The following GDF1 variants were observed in gnomAD, a reference collection of about 807,000 sequenced individuals.
GDF1 encodes growth differentiation factor 1.
A neutral mutation model predicts 7.4 loss-of-function variants in GDF1; 8 were observed. The ratio of observed to expected loss-of-function variants is 1.09; its 90% CI spans 0.64 to 1.96. GDF1 has a LOEUF of 1.96. Among genes scored for constraint, GDF1 ranks in the 30% most tolerant of loss-of-function variants. The pLI is 0.00. For missense variants in GDF1, 574 were observed against 551.5 expected (o/e 1.04, Z -0.41); for synonymous variants, 311 against 276.7 (o/e 1.12, Z -1.23).
chr19:18,877,954 A>C (rs2056091514), intron 6 of GDF1: 17 of 984,200 alleles, frequency 1.7e-5, no homozygotes, highest in African/African-American at 3.5e-5. Flanking sequence ...ATCTACACCC[A>C]AGGCGAATCT....
chr19:18,895,770 T>A lies in GDF1; in HGVS notation c.-1074+54A>T. The A allele has an allele frequency of 9.8e-7, 1 of 1,025,388 alleles. No individual in the cohort carries two copies. Among genetic ancestry groups the A allele is most frequent in the Non-Finnish European group, 1.2e-6 (1 of 819,072 alleles). 63.5% of individuals were successfully genotyped at this position (1,025,388 alleles called of 1,614,324 possible). On this transcript the variant is annotated intron_variant, in intron 1 of 7. Transcript: ENST00000247005. The surrounding 1 kb of genome is among the most constrained non-coding windows in gnomAD (Gnocchi z 6.4). ...CGCGCCGGCGGCCCCAGGTCCCCGG[T>A]CCCGGCTTCCCCCAGTCCGGGGTCC...
In GDF1 at chr19:18,870,346, G is replaced by C. The variant is rs2055945901; in HGVS notation, c.-39C>G. Reference sequence around the variant, plus strand: ...GATGACCAGAGAGTGCGCAGGGTCCGCGGCGGCCCGGGACCAGTGGGCTGA... The same window carrying C: ...GATGACCAGAGAGTGCGCAGGGTCCCCGGCGGCCCGGGACCAGTGGGCTGA... On this transcript the variant is annotated 5_prime_UTR_variant, in exon 7 of 8. Transcript: ENST00000247005. This position sits in a 1 kb window ranked among gnomAD's most constrained non-coding sequence, Gnocchi z 5.1. 3 of 1,541,886 alleles carry C rather than the reference G, an allele frequency of 1.9e-6. No homozygotes were observed. The highest frequency in any genetic ancestry group is 8.7e-7 in the Non-Finnish European group (1 of 1,145,584).
chr19:18,869,045 G>C lies in GDF1; in HGVS notation c.671C>G (p.Pro224Arg). 3 of 1,065,480 alleles carry C rather than the reference G, an allele frequency of 2.8e-6. No individual in the cohort carries two copies. The highest frequency in any genetic ancestry group is 3.4e-6 in the Non-Finnish European group (3 of 882,722). 66.0% of individuals were successfully genotyped at this position (1,065,480 alleles called of 1,614,324 possible). Reference sequence around the variant, plus strand: ...CTCGGCCAGGCGCGCGCAGGCGGCAGGGGCCCGGGGGCGTAGCGCCAGCGC... The same window carrying C: ...CTCGGCCAGGCGCGCGCAGGCGGCACGGGCCCGGGGGCGTAGCGCCAGCGC... ...RLALALRPRA[P>R]AACARLAEAS... is the part of the protein sequence containing the mutation. Residue 224 changes from proline to arginine, a missense_variant, in exon 8 of 8, where the codon CCT becomes CGT. By Grantham distance (103) the Pro-to-Arg change is moderately radical. Transcript: ENST00000247005.
chr19:18,890,932 T>C (rs2056475384), intron 2 of GDF1, among the ~76,000 whole-genome samples: 1 of 152,176 alleles, frequency 6.6e-6, no homozygotes, highest in African/African-American at 2.4e-5. Flanking sequence ...GAGACCAGCC[T>C]GGCCAACATG....
rs775584529 is a variant in GDF1, at chr19:18,869,377, C to A, written c.339G>T (p.Arg113=). The A allele has an allele frequency of 2.5e-4, 385 of 1,529,294 alleles. No individual in the cohort carries two copies. Among genetic ancestry groups the A allele is most frequent in the Non-Finnish European group, 3.2e-4 (363 of 1,144,954 alleles). 94.7% of individuals were successfully genotyped at this position (1,529,294 alleles called of 1,614,324 possible). ...RHIPDRGAPT[R]ASEPASAAGH... ...CCGCGGCCGAGGCAGGCTCCGAGGC[C>A]CGGGTGGGCGCACCTGGGGAGGTAG... Residue 113 remains arginine (R), a synonymous_variant, in exon 8 of 8, where the codon CGG becomes CGT. Transcript: ENST00000247005.
At position 18,870,483 on chromosome 19, in the gene GDF1, CAG is replaced by C; in HGVS notation, c.-178_-177del. Reference sequence around the variant, plus strand: ...GGAGGTGGCGGCGGCCCTAGAGGAGCAGAGTTGGAGGGGGTGGAGGGGCGGCC... The same window carrying C: ...GGAGGTGGCGGCGGCCCTAGAGGAGCAGTTGGAGGGGGTGGAGGGGCGGCC... On this transcript the variant is annotated 5_prime_UTR_variant, in exon 7 of 8. Coordinates refer to ENST00000247005, the MANE Select transcript of GDF1 (RefSeq NM_001492.6). This position sits in a 1 kb window ranked among gnomAD's most constrained non-coding sequence, Gnocchi z 5.1. 2.4e-6 allele frequency: 1 copy of C among 411,934 alleles called. No homozygotes were observed. Among genetic ancestry groups the C allele is most frequent in the Non-Finnish European group, 4.3e-6 (1 of 234,980 alleles). The allele number at this position is 411,934 out of a possible 1,614,324, so 25.5% of individuals were successfully genotyped here.
At chr19:18,877,055 G>A (rs113595040) in intron 6 of GDF1, among the ~76,000 whole-genome samples, 1,881 of 152,230 alleles carry the variant, frequency 0.012, 39 homozygotes, top group African/African-American at 0.042. Flanking sequence ...GACTGCCTTC[G>A]TCCCATCCTG....
At position 18,895,788 on chromosome 19, in the gene GDF1, C is replaced by A; in HGVS notation, c.-1074+36G>T. ...TCCCCGGTCCCGGCTTCCCCCAGTC[C>A]GGGGTCCCCTCGTCCCGGCCCCCGG... On this transcript the variant is annotated intron_variant, in intron 1 of 7. Transcript: ENST00000247005. This position sits in a 1 kb window ranked among gnomAD's most constrained non-coding sequence, Gnocchi z 6.4. 1.7e-6 allele frequency: 2 copies of A among 1,152,370 alleles called. No individual in the cohort carries two copies. The highest frequency in any genetic ancestry group is 1.1e-6 in the Non-Finnish European group (1 of 918,732). The allele number at this position is 1,152,370 out of a possible 1,614,324, so 71.4% of individuals were successfully genotyped here.
chr19:18,883,309 A>G (rs1316293302), intron 3 of GDF1: 1 of 152,238 alleles, frequency 6.6e-6, no homozygotes, highest in Non-Finnish European at 1.5e-5. Flanking sequence ...AACAGGTAAT[A>G]TTAATTTTAA....
intron 2 of GDF1, among the ~76,000 whole-genome samples, chr19:18,888,395 G>A (rs943654492): frequency 6.6e-6 from 1 of 151,804 alleles, no homozygotes; most frequent in African/African-American, 2.4e-5. Flanking sequence ...GCTCGTGCCT[G>A]TAATCCCAGC....
intron 2 of GDF1, among the ~76,000 whole-genome samples, chr19:18,892,904 C>T (rs73003017): frequency 0.072 from 11,002 of 152,116 alleles, 536 homozygotes; most frequent in Non-Finnish European, 0.11. Flanking sequence ...TAAGCATCCC[C>T]TTACACTGTT....
At chr19:18,892,986 G>A (rs997636690) in intron 2 of GDF1, among the ~76,000 whole-genome samples, 13 of 143,806 alleles carry the variant, frequency 9.0e-5, no homozygotes, top group Admixed American at 7.6e-4. Context: ...GCGCGAACTC[G>A]GCTCACTGCA....
chr19:18,885,513 T>G (rs367911992), intron 2 of GDF1, among the ~76,000 whole-genome samples: 225 of 25,970 alleles, frequency 8.7e-3, no homozygotes, highest in Middle Eastern at 0.058. Context: ...CCCTTCTCGT[T>G]TTTTTTTTTT....
At chr19:18,894,928 G>A (rs2056589276) in intron 1 of GDF1, among the ~76,000 whole-genome samples, 1 of 152,184 alleles carries the variant, frequency 6.6e-6, no homozygotes, top group African/African-American at 2.4e-5. Context: ...GGGGTGTCCA[G>A]GCCAAGCTAA....
Position 18,895,542 on chromosome 19 carries a change from C to T in GDF1, c.-1074+282G>A, listed in dbSNP as rs987222092. ...CTCAAACATCCCACCTGTCTCGGGC[C>T]CCCCATGTCCCAGACTCACCCCAGC... On this transcript the variant is annotated intron_variant, in intron 1 of 7. Coordinates refer to ENST00000247005, the MANE Select transcript of GDF1 (RefSeq NM_001492.6). This position sits in a 1 kb window ranked among gnomAD's most constrained non-coding sequence, Gnocchi z 6.4. Among the ~76,000 whole-genome samples the T allele has an allele frequency of 5.3e-5, 8 of 151,914 alleles. No homozygotes were observed. The highest frequency in any genetic ancestry group is 1.7e-4 in the African/African-American group (7 of 41,338).
intron 1 of GDF1, among the ~76,000 whole-genome samples, chr19:18,893,990 A>G (rs1226162905): frequency 6.6e-6 from 1 of 151,910 alleles, no homozygotes; most frequent in Non-Finnish European, 1.5e-5. Flanking sequence ...TGGGACCGAC[A>G]CAGAGGGGAG....
chr19:18,885,765 C>T (rs926340144), intron 2 of GDF1, among the ~76,000 whole-genome samples: 1 of 148,724 alleles, frequency 6.7e-6, no homozygotes, highest in Non-Finnish European at 1.5e-5. Context: ...GTGATCCGCC[C>T]GCCTCGGCCT....
chr19:18,868,911 C>T lies in GDF1; in HGVS notation c.805G>A (p.Ala269Thr). 7.3e-7 allele frequency: 1 copy of T among 1,372,170 alleles called. No individual in the cohort carries two copies. The highest frequency in any genetic ancestry group is 9.5e-7 in the Non-Finnish European group (1 of 1,053,558). 85.0% of individuals were successfully genotyped at this position (1,372,170 alleles called of 1,614,324 possible). A position where few individuals can be genotyped will look rare whatever the true frequency, so the allele number is the denominator to read the frequency against. ...CGGAAGCTCACGTACAGCCGCCGCG[C>T]GCGACAAGCGCCCCCGGGGCCGCCG... ...LGGGPGGACRARRLYVSFREV... is the reference protein window; with the variant it reads ...LGGGPGGACRTRRLYVSFREV... The change falls in exon 8 of 8, where the codon GCG becomes ACG. Residue 269 changes from alanine to threonine, a missense_variant. By Grantham distance (58) the Ala-to-Thr change is moderately conservative. Transcript: ENST00000247005.
intron 1 of GDF1, 21 bp from the exon 2 acceptor site, chr19:18,893,596 G>A (rs757515801): frequency 2.0e-5 from 32 of 1,595,718 alleles, no homozygotes; most frequent in African/African-American, 5.4e-5. Flanking sequence ...GAAGACAGGC[G>A]GGCAGCCATT....
Sources: allele counts gnomAD v4.1 joint callset (sites outside exome capture counted in the v4.1 genomes callset), GRCh38; gene constraint gnomAD v4.1.1; non-coding constraint Gnocchi (gnomAD v3.1); transcripts MANE v1.5; gene names NCBI Gene and HGNC (gene_info 2026-07-23, HGNC 2026-07-21).